Variants in GALNT13 observed in about 807,000 individuals in gnomAD.
GALNT13 encodes the protein UDP-GalNAc:polypeptide N-acetylgalactosaminyltransferase 13.
A neutral mutation model predicts 64.2 loss-of-function variants in GALNT13; 28 were observed. The observed-to-expected ratio is 0.44, with a 90% CI of 0.32 to 0.60. The LOEUF is 0.60. GALNT13 is among the 20% of genes least tolerant of loss of function. The pLI, the probability that GALNT13 is intolerant of heterozygous loss-of-function variation, is 0.05. For synonymous variants in GALNT13, 214 were observed against 224.6 expected, an observed-to-expected ratio of 0.95 and a Z score of 0.42; for missense variants, 577 against 669.8, an observed-to-expected ratio of 0.86 and a Z score of 1.53.
chr2:153,334,547 AT>A, the GALNT13 span, among the ~76,000 whole-genome samples: 1,125 of 147,580 alleles, frequency 7.6e-3, 10 homozygotes, highest in African/African-American at 0.022. Context: ...AATGATAAAG[AT>A]TTTTTTTTTT....
At chr2:153,396,222 C>T in the GALNT13 span, among the ~76,000 whole-genome samples, 2 of 151,934 alleles carry the variant, frequency 1.3e-5, no homozygotes, top group South Asian at 4.1e-4. Flanking sequence ...TTATATTGTA[C>T]CAGGTGCTCT....
At chr2:153,306,112 C>A in the GALNT13 span, among the ~76,000 whole-genome samples, 1 of 152,138 alleles carries the variant, frequency 6.6e-6, no homozygotes, top group Non-Finnish European at 1.5e-5. Flanking sequence ...TTCTTTATGA[C>A]CCACATGCTT....
the GALNT13 span, among the ~76,000 whole-genome samples, chr2:153,433,118 A>T: frequency 6.6e-6 from 1 of 152,150 alleles, no homozygotes. Context: ...TAATTAGAGA[A>T]ATTTTGTGTG....
the GALNT13 span, among the ~76,000 whole-genome samples, chr2:153,253,679 G>A: frequency 9.4e-5 from 14 of 149,526 alleles, no homozygotes; most frequent in South Asian, 4.3e-4. Flanking sequence ...TTAGCATGAA[G>A]GGTTGTTGAA....
chr2:154,294,482 T>C (rs1166149617), intron 8 of GALNT13, among the ~76,000 whole-genome samples: 3 of 152,202 alleles, frequency 2.0e-5, no homozygotes, highest in Non-Finnish European at 4.4e-5. Context: ...ACGTTCAGGA[T>C]GTAGGGGAAA....
intron 3 of GALNT13, among the ~76,000 whole-genome samples, chr2:154,008,317 G>C (rs1696396919): frequency 6.6e-6 from 1 of 151,892 alleles, no homozygotes; most frequent in South Asian, 2.1e-4. Context: ...GGAGTATTTG[G>C]GTTATCCATT....
chr2:153,263,104 G>C, the GALNT13 span, among the ~76,000 whole-genome samples: 1 of 151,636 alleles, frequency 6.6e-6, no homozygotes, highest in Non-Finnish European at 1.5e-5. Flanking sequence ...AAAGTCTCAG[G>C]GTACAAAATC....
intron 4 of GALNT13, among the ~76,000 whole-genome samples, chr2:154,223,133 T>C (rs983233263): frequency 6.6e-6 from 1 of 152,144 alleles, no homozygotes; most frequent in African/African-American, 2.4e-5. Flanking sequence ...GGTCCACCTT[T>C]AGGTATGTAA....
chr2:153,490,963 A>C, the GALNT13 span, among the ~76,000 whole-genome samples: 1 of 151,562 alleles, frequency 6.6e-6, no homozygotes, highest in Non-Finnish European at 1.5e-5. Flanking sequence ...CTGTCTCAAA[A>C]AAAAAAAAAA....
chr2:153,727,078 T>C, the GALNT13 span, among the ~76,000 whole-genome samples: 2 of 152,288 alleles, frequency 1.3e-5, no homozygotes, highest in African/African-American at 2.4e-5. Flanking sequence ...CACAGTAATA[T>C]TGAAACCTGT....
chr2:154,023,786 G>A (rs2105286263), intron 3 of GALNT13, among the ~76,000 whole-genome samples: 1 of 152,280 alleles, frequency 6.6e-6, no homozygotes, highest in Admixed American at 6.5e-5. Context: ...TTTCTTCCTA[G>A]CCTTGATGGT....
chr2:153,151,077 A>G, the GALNT13 span, among the ~76,000 whole-genome samples: 4 of 151,940 alleles, frequency 2.6e-5, no homozygotes, highest in East Asian at 5.8e-4. Context: ...CATTTTCATG[A>G]TATTGATTCT....
the GALNT13 span, among the ~76,000 whole-genome samples, chr2:153,783,987 C>T: frequency 6.6e-6 from 1 of 152,126 alleles, no homozygotes; most frequent in East Asian, 1.9e-4. Flanking sequence ...GAGTGGGGTG[C>T]TGCTATAAGG....
chr2:154,333,328 G>C (rs927169462), intron 9 of GALNT13, among the ~76,000 whole-genome samples: 1 of 151,956 alleles, frequency 6.6e-6, no homozygotes, highest in African/African-American at 2.4e-5. Context: ...GTAGAGACAT[G>C]TTTTATAAAA....
the GALNT13 span, among the ~76,000 whole-genome samples, chr2:153,253,838 A>C: frequency 6.6e-6 from 1 of 152,040 alleles, no homozygotes; most frequent in African/African-American, 2.4e-5. Context: ...CATGGTGGAT[A>C]AGTTTTTGAT....
chr2:153,990,836 T>C (rs1352578935), intron 3 of GALNT13, among the ~76,000 whole-genome samples: 1 of 152,190 alleles, frequency 6.6e-6, no homozygotes, highest in Non-Finnish European at 1.5e-5. Flanking sequence ...AAAATTGGTG[T>C]ACAAATGGTG....
the GALNT13 span, among the ~76,000 whole-genome samples, chr2:153,609,502 G>C: frequency 1.2e-4 from 19 of 152,034 alleles, no homozygotes; most frequent in Admixed American, 3.9e-4. Context: ...AACTTTTAAT[G>C]TACATTTGCT....
intron 7 of GALNT13, among the ~76,000 whole-genome samples, chr2:154,250,154 A>G (rs1689993116): frequency 6.6e-6 from 1 of 152,142 alleles, no homozygotes; most frequent in Non-Finnish European, 1.5e-5. Flanking sequence ...AAATATTGAA[A>G]TGAGCAATGT....
chr2:153,690,476 A>C, the GALNT13 span, among the ~76,000 whole-genome samples: 2 of 152,114 alleles, frequency 1.3e-5, no homozygotes, highest in African/African-American at 2.4e-5. Flanking sequence ...CTCAGTTTAA[A>C]GCTTGAAGTA....
Sources: gnomAD v4.1 joint callset for allele counts (sites outside exome capture counted in the v4.1 genomes callset) on GRCh38, gnomAD v4.1.1 for gene constraint, MANE v1.5 for transcripts, NCBI Gene and HGNC (gene_info 2026-07-23, HGNC 2026-07-21) for gene names.